Variants in CLINT1 observed in about 807,000 individuals in gnomAD.
CLINT1 encodes clathrin interactor 1, also known as clathrin interacting protein localized in the trans-Golgi region.
CLINT1 carries 15 observed loss-of-function variants against 70.4 expected under a neutral mutation model. The observed-to-expected ratio is 0.21, with a 90% CI of 0.14 to 0.33. The LOEUF (loss-of-function observed/expected upper bound fraction) is 0.33, where lower values mean the gene tolerates loss of function less well. Among genes scored for constraint, CLINT1 ranks in the 10% least tolerant of loss-of-function variants. CLINT1 has a pLI of 1.00. For synonymous variants in CLINT1, 227 were observed against 254.7 expected, an observed-to-expected ratio of 0.89 and a Z score of 1.04; for missense variants, 615 against 778.1, an observed-to-expected ratio of 0.79 and a Z score of 2.49.
At chr5:157,812,611 CTG>C (rs1252793499) in intron 5 of CLINT1, among the ~76,000 whole-genome samples, 2 of 152,126 alleles carry the variant, frequency 1.3e-5, no homozygotes, top group Non-Finnish European at 2.9e-5. Flanking sequence ...GAAAGAGAGA[CTG>C]AGGCTGGAAT....
intron 6 of CLINT1, 86 bp downstream of exon 6, chr5:157,809,542 A>G: frequency 8.3e-7 from 1 of 1,211,474 alleles, no homozygotes; most frequent in South Asian, 1.6e-5. Context: ...TTAATACCCC[A>G]AACAAAACCA....
At chr5:157,829,582 G>A (rs533747521) in intron 1 of CLINT1, among the ~76,000 whole-genome samples, 26 of 151,914 alleles carry the variant, frequency 1.7e-4, no homozygotes, top group Non-Finnish European at 2.9e-4. Context: ...GTGCAGTGGT[G>A]TGATTTTTCA....
chr5:157,832,091 G>A (rs1313167280), intron 1 of CLINT1, among the ~76,000 whole-genome samples: 2 of 152,098 alleles, frequency 1.3e-5, no homozygotes, highest in African/African-American at 2.4e-5. Flanking sequence ...AAATTCAAGC[G>A]ACTCTTGTAC....
At chr5:157,845,486 G>A (rs1010938724) in intron 1 of CLINT1, among the ~76,000 whole-genome samples, 1 of 151,806 alleles carries the variant, frequency 6.6e-6, no homozygotes, top group African/African-American at 2.4e-5. Context: ...TAATTTTACT[G>A]TGCTTTGCTT....
At chr5:157,853,542 T>TGAGGCA (rs1332100210) in intron 1 of CLINT1, among the ~76,000 whole-genome samples, 1 of 151,800 alleles carries the variant, frequency 6.6e-6, no homozygotes, top group East Asian at 1.9e-4. Context: ...TTTGGGAGTC[T>TGAGGCA]GAGGCAGGTG....
chr5:157,810,043 G>A (rs1359733421), intron 5 of CLINT1, among the ~76,000 whole-genome samples: 1 of 152,176 alleles, frequency 6.6e-6, no homozygotes, highest in African/African-American at 2.4e-5. Flanking sequence ...CAACCTTAAT[G>A]CACAGCACAG....
intron 8 of CLINT1, among the ~76,000 whole-genome samples, chr5:157,802,051 C>T (rs548312792): frequency 3.9e-5 from 6 of 151,982 alleles, no homozygotes; most frequent in East Asian, 1.9e-4. Context: ...CCCATCACCA[C>T]GCCAAACTAA....
In CLINT1 at chr5:157,854,569, C is replaced by A. The variant is rs566613519; in HGVS notation, c.41+4361G>T. 3.9e-5 allele frequency among the ~76,000 whole-genome samples: 6 copies of A among 152,234 alleles called. No homozygotes were observed. In the South Asian group the frequency reaches 1.2e-3, roughly 32 times the overall value. ...AATAAAAAGAAACCAGACTACTAAT[C>A]CAATAAATAACAAATGTATTGCCTG... On this transcript the variant is annotated intron_variant, in intron 1 of 11. Transcript: ENST00000411809.
At chr5:157,810,809 A>G (rs1414042203) in intron 5 of CLINT1, among the ~76,000 whole-genome samples, 1 of 152,222 alleles carries the variant, frequency 6.6e-6, no homozygotes, top group African/African-American at 2.4e-5. Flanking sequence ...ATAACTAAAA[A>G]GTGGCTAATG....
chr5:157,853,581 A>G (rs1442357865), intron 1 of CLINT1, among the ~76,000 whole-genome samples: 1 of 151,812 alleles, frequency 6.6e-6, no homozygotes, highest in Non-Finnish European at 1.5e-5. Context: ...GTTCAAGACC[A>G]GCCTGGCCAA....
intron 3 of CLINT1, 147 bp from the exon 4 acceptor site, chr5:157,814,440 T>C: frequency 1.6e-6 from 1 of 606,640 alleles, no homozygotes; most frequent in Non-Finnish European, 2.9e-6. Context: ...TTTAAACACA[T>C]AATCTAGAAC....
intron 7 of CLINT1, 99 bp downstream of exon 7, chr5:157,805,767 T>C (rs1201744839): frequency 2.8e-6 from 4 of 1,405,386 alleles, no homozygotes; most frequent in Admixed American, 2.1e-5. Flanking sequence ...ATAATTAATA[T>C]GATTGCCTAG....
At chr5:157,820,839 A>T (rs1484214042) in intron 1 of CLINT1, among the ~76,000 whole-genome samples, 1 of 152,232 alleles carries the variant, frequency 6.6e-6, no homozygotes, top group Non-Finnish European at 1.5e-5. Flanking sequence ...CACAGACGCT[A>T]GAGGGGGCAC....
chr5:157,788,118 G>C, intron 11 of CLINT1, 126 bp from the exon 12 acceptor site: 1 of 777,792 alleles, frequency 1.3e-6, no homozygotes, highest in Non-Finnish European at 2.2e-6. Flanking sequence ...CCTTTACAGT[G>C]ATTTTATTAG....
rs148031056 is a variant in CLINT1, at chr5:157,841,538, C to T, written c.41+17392G>A. Among the ~76,000 whole-genome samples, 430 of 152,196 alleles carry T rather than the reference C, an allele frequency of 2.8e-3. 2 individuals are homozygous for T. Among genetic ancestry groups the T allele is most frequent in the African/African-American group, 9.9e-3 (411 of 41,530 alleles). The stretch of plus-strand genomic sequence containing the variant: ...GCCAAGATGTACCACTGCATTGCAG[C>T]CTGGGTGACAGAGTGAGACTCAATC... On this transcript the variant is annotated intron_variant, in intron 1 of 11. Transcript: ENST00000411809.
intron 10 of CLINT1, chr5:157,790,433 G>A: frequency 6.4e-6 from 2 of 314,724 alleles, no homozygotes; most frequent in South Asian, 5.5e-5. Flanking sequence ...AGTGGTTATT[G>A]AGGATAACTG....
chr5:157,823,659 AG>A (rs1762943570), intron 1 of CLINT1: 1 of 400,844 alleles, frequency 2.5e-6, no homozygotes, highest in Non-Finnish European at 3.4e-6. Context: ...AATGCCACAA[AG>A]GTTTCAGAAA....
In CLINT1 at chr5:157,849,111, A is replaced by G. The variant is rs371522265; in HGVS notation, c.41+9819T>C. Among the ~76,000 whole-genome samples, 244 of 152,336 alleles carry G rather than the reference A, an allele frequency of 1.6e-3. 2 individuals carry two copies. Among genetic ancestry groups the G allele is most frequent in the African/African-American group, 5.5e-3 (228 of 41,580 alleles). The stretch of plus-strand genomic sequence containing the variant: ...CCACGCCCAGCCTGACTCCAATTAT[A>G]AAAGAAGTTCTACTTTAGGTAAAAT... On this transcript the variant is annotated intron_variant, in intron 1 of 11. Transcript: ENST00000411809.
intron 8 of CLINT1, chr5:157,796,019 C>T (rs1762056112): frequency 6.6e-6 from 1 of 152,200 alleles, no homozygotes; most frequent in Admixed American, 6.5e-5. Flanking sequence ...CAGTGAGACG[C>T]TGTCTCAAAA....
Sources: allele counts gnomAD v4.1 joint callset (sites outside exome capture counted in the v4.1 genomes callset), GRCh38; gene constraint gnomAD v4.1.1; transcripts MANE v1.5; gene names NCBI Gene and HGNC (gene_info 2026-07-23, HGNC 2026-07-21).